Variants in DPP6 observed in about 807,000 individuals in gnomAD.
DPP6 encodes the protein dipeptidyl peptidase like 6, also known as A-type potassium channel modulatory protein DPP6.
Under a neutral mutation model 122.6 loss-of-function variants are expected in DPP6, and 69 were observed. That is an observed-to-expected ratio of 0.56 (90% CI 0.46 to 0.69). The LOEUF (loss-of-function observed/expected upper bound fraction) is 0.69. Ranked by LOEUF, DPP6 falls within the 30% of genes least tolerant of loss-of-function variation. The pLI is 0.00. For missense variants in DPP6, 928 were observed against 1,116.9 expected, an observed-to-expected ratio of 0.83 and a Z score of 2.41; for synonymous variants, 418 against 433.1, an observed-to-expected ratio of 0.97 and a Z score of 0.43.
At chr7:154,680,676 T>TTATA (rs1261722015) in intron 7 of DPP6, among the ~76,000 whole-genome samples, 9 of 90,174 alleles carry the variant, frequency 1.0e-4, no homozygotes, top group Non-Finnish European at 1.2e-4. Flanking sequence ...TAAAGCAACA[T>TTATA]TATATATATA....
chr7:154,449,859 C>A (rs1468013677), intron 2 of DPP6, among the ~76,000 whole-genome samples: 2 of 151,184 alleles, frequency 1.3e-5, no homozygotes. Context: ...TAAAAAAAAA[C>A]TAGCCAGGAG....
At chr7:154,078,440 G>A (rs1370617698) in intron 1 of DPP6, among the ~76,000 whole-genome samples, 1 of 151,724 alleles carries the variant, frequency 6.6e-6, no homozygotes, top group African/African-American at 2.4e-5. Context: ...TGAAGATGAA[G>A]CAAGATTCCA....
At position 154,892,342 on chromosome 7, in the gene DPP6, G is replaced by A. The variant is rs778573229; in HGVS notation, c.2460G>A (p.Pro820=). 7 of 1,613,844 alleles carry A rather than the reference G, an allele frequency of 4.3e-6. No homozygotes were observed. The highest frequency in any genetic ancestry group is 2.2e-5 in the East Asian group (1 of 44,884). ...CCGTGCCTTCCTTGCAGATTTACCC[G>A]GACGAAAGCCATTACTTTACCAGCT... ...GKANYSLQIY[P]DESHYFTSSS... Residue 820 remains proline, a synonymous_variant, in exon 26 of 26, where the codon CCG becomes CCA. Coordinates refer to ENST00000377770, the MANE Select transcript of DPP6 (RefSeq NM_130797.4).
At chr7:154,831,210 G>A (rs1800604099) in intron 16 of DPP6, among the ~76,000 whole-genome samples, 1 of 152,306 alleles carries the variant, frequency 6.6e-6, no homozygotes, top group South Asian at 2.1e-4. Context: ...ACTGTGGAGA[G>A]CTCTCCAGGC....
At chr7:154,120,926 A>T (rs1177351275) in intron 1 of DPP6, among the ~76,000 whole-genome samples, 2 of 152,152 alleles carry the variant, frequency 1.3e-5, no homozygotes. Context: ...TTGAATTGTA[A>T]TAATCCCCAC....
chr7:154,884,030 TCACA>T (rs371757214), intron 21 of DPP6: 5 of 97,672 alleles, frequency 5.1e-5, no homozygotes, highest in East Asian at 7.7e-4. Context: ...ACACATACAC[TCACA>T]CACACCTGCT....
chr7:154,650,734 C>T (rs996365288), intron 6 of DPP6, among the ~76,000 whole-genome samples: 6 of 152,070 alleles, frequency 3.9e-5, no homozygotes, highest in Non-Finnish European at 5.9e-5. Flanking sequence ...CCACAGCACT[C>T]GGGTTAAAAA....
At chr7:153,922,273 G>A (rs1396481974) in intron 1 of DPP6, among the ~76,000 whole-genome samples, 1 of 152,238 alleles carries the variant, frequency 6.6e-6, no homozygotes, top group African/African-American at 2.4e-5. Context: ...GGCTGAGGCA[G>A]GCAGATTGCT....
At chr7:154,600,193 T>A (rs1248549991) in intron 5 of DPP6, among the ~76,000 whole-genome samples, 1 of 150,796 alleles carries the variant, frequency 6.6e-6, no homozygotes, top group East Asian at 2.0e-4. Context: ...AGTGGCACAA[T>A]CTCAGCTCAC....
chr7:154,021,086 G>C (rs1798675863), intron 1 of DPP6, among the ~76,000 whole-genome samples: 1 of 152,152 alleles, frequency 6.6e-6, no homozygotes. Flanking sequence ...CACAGGGCTT[G>C]GTGTAACACC....
intron 3 of DPP6, among the ~76,000 whole-genome samples, chr7:154,485,051 C>A (rs999868593): frequency 7.2e-5 from 11 of 152,054 alleles, no homozygotes; most frequent in Admixed American, 5.2e-4. Flanking sequence ...TTTTTGGAGG[C>A]CACATTTTTC....
chr7:154,514,585 G>C (rs1826343912), intron 3 of DPP6, among the ~76,000 whole-genome samples: 1 of 151,946 alleles, frequency 6.6e-6, no homozygotes, highest in African/African-American at 2.4e-5. Flanking sequence ...TCTACTTCCT[G>C]TCTCTGTGAA....
intron 1 of DPP6, among the ~76,000 whole-genome samples, chr7:153,918,075 A>C (rs1301960262): frequency 6.6e-6 from 1 of 152,182 alleles, no homozygotes; most frequent in Admixed American, 6.5e-5. Context: ...TGACACATGC[A>C]CACCTCGTGA....
chr7:153,958,744 G>C (rs989763137), intron 1 of DPP6, among the ~76,000 whole-genome samples: 9 of 152,092 alleles, frequency 5.9e-5, no homozygotes, highest in African/African-American at 1.7e-4. Flanking sequence ...AGCTCTCTTG[G>C]CTCCAATCCC....
At chr7:154,034,706 TTGA>T (rs1255725550) in intron 1 of DPP6, among the ~76,000 whole-genome samples, 1 of 152,090 alleles carries the variant, frequency 6.6e-6, no homozygotes. Flanking sequence ...CAAGTTGTTC[TTGA>T]TGATATCTGG....
chr7:154,329,590 T>C (rs1297273449), intron 1 of DPP6, among the ~76,000 whole-genome samples: 2 of 151,498 alleles, frequency 1.3e-5, no homozygotes, highest in Non-Finnish European at 2.9e-5. Flanking sequence ...TTGGGGGGAG[T>C]GTAAATTAGT....
intron 7 of DPP6, among the ~76,000 whole-genome samples, chr7:154,712,758 A>G (rs1841263621): frequency 6.6e-6 from 1 of 152,206 alleles, no homozygotes; most frequent in African/African-American, 2.4e-5. Context: ...CTGAAGACAC[A>G]TGGGAGTTAT....
chr7:154,102,589 G>A (rs184953790), intron 1 of DPP6, among the ~76,000 whole-genome samples: 3 of 152,198 alleles, frequency 2.0e-5, no homozygotes. Context: ...TTGTTCTCAA[G>A]TTGTCTCCTC....
At chr7:154,497,339 G>A (rs575126920) in intron 3 of DPP6, among the ~76,000 whole-genome samples, 1 of 152,206 alleles carries the variant, frequency 6.6e-6, no homozygotes, top group South Asian at 2.1e-4. Flanking sequence ...TGGGCATGGT[G>A]GCTCATGCCT....
Sources: gnomAD v4.1 joint callset for allele counts (sites outside exome capture counted in the v4.1 genomes callset) on GRCh38, gnomAD v4.1.1 for gene constraint, MANE v1.5 for transcripts, NCBI Gene and HGNC (gene_info 2026-07-23, HGNC 2026-07-21) for gene names.